CDC42SE2: variants seen among roughly 807,000 people sequenced by gnomAD.
The protein encoded by CDC42SE2 is CDC42 small effector 2, also known as CDC42 small effector protein 2.
A neutral mutation model predicts 11.5 loss-of-function variants in CDC42SE2; 3 were observed. The ratio of observed to expected loss-of-function variants is 0.26; its 90% confidence interval spans 0.12 to 0.67. CDC42SE2 has a LOEUF of 0.67. Among genes scored for constraint, CDC42SE2 ranks in the 30% least tolerant of loss-of-function variants. CDC42SE2 has a pLI of 0.80. For missense variants in CDC42SE2, 82 were observed against 106.8 expected, an observed-to-expected ratio of 0.77 and a Z score of 1.02; for synonymous variants, 33 against 34.8, an observed-to-expected ratio of 0.95 and a Z score of 0.18.
At chr5:131,214,087 A>C in the CDC42SE2 span, among the ~76,000 whole-genome samples, 1 of 152,236 alleles carries the variant, frequency 6.6e-6, no homozygotes, top group African/African-American at 2.4e-5. Flanking sequence ...ACAGTGTTTT[A>C]AAAATATAAA....
rs554896729 is a variant in CDC42SE2 at position 131,393,094 on chromosome 5, ATGTT to A, written c.*2009_*2012del. 6.6e-6 allele frequency: 1 copy of A among 152,372 alleles called. No homozygotes were observed. Among genetic ancestry groups the A allele is most frequent in the African/African-American group, 2.4e-5 (1 of 41,452 alleles). 9.4% of individuals were successfully genotyped at this position (152,372 alleles called of 1,614,324 possible). On this transcript the variant is annotated 3_prime_UTR_variant, in exon 5 of 5. Coordinates refer to ENST00000505065, the MANE Select transcript of CDC42SE2 (RefSeq NM_001375635.1). ...GTCAGTGGTTTGTGTTCTCATTAAA[ATGTT>A]TGTTTAAATCCTATGTCCAATTCAA...
chr5:131,211,933 A>C, the CDC42SE2 span, among the ~76,000 whole-genome samples: 1 of 82,086 alleles, frequency 1.2e-5, no homozygotes, highest in Non-Finnish European at 2.1e-5. Flanking sequence ...GCAGTGAGCC[A>C]TGATGGCACC....
intron 2 of CDC42SE2, among the ~76,000 whole-genome samples, chr5:131,342,941 G>T (rs1321284365): frequency 6.6e-6 from 1 of 152,118 alleles, no homozygotes; most frequent in Admixed American, 6.5e-5. Context: ...TTAAACTCCT[G>T]ACCTCAGGTG....
At position 131,359,729 on chromosome 5, in the gene CDC42SE2, T is replaced by C. The variant is rs565185214; in HGVS notation, c.54+182T>C. The stretch of plus-strand genomic sequence containing the variant: ...GAAATAATGTTTTTAAAGTAAATAC[T>C]GTATGTCAAGAACTCTCCTAGACCA... On this transcript the variant is annotated intron_variant, in intron 3 of 4. Coordinates refer to ENST00000505065, the MANE Select transcript of CDC42SE2 (RefSeq NM_001375635.1). 1.2e-4 allele frequency among the ~76,000 whole-genome samples: 18 copies of C among 152,276 alleles called. No individual in the cohort carries two copies. In the South Asian group the frequency reaches 1.7e-3, roughly 14 times the overall value.
At chr5:131,216,538 C>G in the CDC42SE2 span, among the ~76,000 whole-genome samples, 86 of 140,272 alleles carry the variant, frequency 6.1e-4, no homozygotes, top group Middle Eastern at 3.7e-3. Flanking sequence ...TAGACTATAA[C>G]TAAAAGTGTA....
chr5:131,250,752 T>C (rs1756632679), intron 1 of CDC42SE2, among the ~76,000 whole-genome samples: 1 of 152,142 alleles, frequency 6.6e-6, no homozygotes, highest in Non-Finnish European at 1.5e-5. Flanking sequence ...AACAAAACTA[T>C]AGCTTGGGCC....
intron 2 of CDC42SE2, among the ~76,000 whole-genome samples, chr5:131,344,900 C>T (rs1353511888): frequency 6.6e-6 from 1 of 152,178 alleles, no homozygotes; most frequent in Non-Finnish European, 1.5e-5. Flanking sequence ...CTGGAGTGGA[C>T]CTCCAGCAAA....
In CDC42SE2 at chr5:131,394,051, G is replaced by C. The variant is rs1750772265; in HGVS notation, c.*2960G>C. On this transcript the variant is annotated 3_prime_UTR_variant, in exon 5 of 5. Coordinates refer to ENST00000505065, the MANE Select transcript of CDC42SE2 (RefSeq NM_001375635.1). The stretch of plus-strand genomic sequence containing the variant: ...AAAAAAAGATACGGTATTAACCTTG[G>C]ACATAATTTTTTTTAGGGAGGCAGC... 1 of 152,236 alleles carries C rather than the reference G, an allele frequency of 6.6e-6. No homozygotes were observed. 9.4% of individuals were successfully genotyped at this position (152,236 alleles called of 1,614,324 possible).
At chr5:131,273,639 G>A (rs535789496) in intron 1 of CDC42SE2, among the ~76,000 whole-genome samples, 79 of 151,504 alleles carry the variant, frequency 5.2e-4, no homozygotes, top group African/African-American at 1.8e-3. Flanking sequence ...CAGGCGTGGC[G>A]GCTGGTGCTT....
chr5:131,366,048 A>G (rs1173465170), intron 3 of CDC42SE2, among the ~76,000 whole-genome samples: 4 of 152,226 alleles, frequency 2.6e-5, no homozygotes, highest in South Asian at 2.1e-4. Context: ...GAAAAACATC[A>G]TAGAAGACTG....
intron 2 of CDC42SE2, among the ~76,000 whole-genome samples, chr5:131,347,317 C>A (rs1053942220): frequency 2.1e-4 from 32 of 152,110 alleles, no homozygotes; most frequent in South Asian, 4.2e-4. Context: ...TAAAGGGGAT[C>A]TCACCACCCA....
At chr5:131,303,788 T>C (rs544394896) in intron 1 of CDC42SE2, among the ~76,000 whole-genome samples, 1 of 152,280 alleles carries the variant, frequency 6.6e-6, no homozygotes, top group East Asian at 1.9e-4. Context: ...AAAACTAGCA[T>C]AATTTTTCTT....
chr5:131,234,530 G>A, the CDC42SE2 span, among the ~76,000 whole-genome samples: 1 of 151,876 alleles, frequency 6.6e-6, no homozygotes, highest in East Asian at 1.9e-4. Context: ...CAGCTACTCG[G>A]GAGGCTGAGG....
intron 2 of CDC42SE2, among the ~76,000 whole-genome samples, chr5:131,347,555 A>C (rs1257370953): frequency 6.6e-6 from 1 of 152,204 alleles, no homozygotes; most frequent in Non-Finnish European, 1.5e-5. Context: ...TTCACAGCCG[A>C]ATTCTACCAG....
rs112695883 is a variant in CDC42SE2 at position 131,257,620 on chromosome 5, G to A, written n.242+2391G>A. Among the ~76,000 whole-genome samples, 858 of 151,910 alleles carry A rather than the reference G, an allele frequency of 5.6e-3. 13 individuals are homozygous for A. The highest frequency in any genetic ancestry group is 0.019 in the African/African-American group (773 of 41,420). On this transcript the variant is annotated intron_variant and non_coding_transcript_variant, in intron 2 of 3. Coordinates refer to the CDC42SE2 transcript ENST00000502840. ...AGCTTCCCAAGTAGCCAGGACTACA[G>A]GTGCGCACCACCATGCCTGGCTAAT...
chr5:131,251,561 A>C (rs1756638504), intron 1 of CDC42SE2, among the ~76,000 whole-genome samples: 1 of 152,224 alleles, frequency 6.6e-6, no homozygotes. Context: ...TTGTGAGAGA[A>C]AGCAAAACTA....
At chr5:131,336,866 A>G (rs1758577049) in intron 2 of CDC42SE2, among the ~76,000 whole-genome samples, 2 of 152,086 alleles carry the variant, frequency 1.3e-5, no homozygotes, top group African/African-American at 4.8e-5. Flanking sequence ...GTAGTTATCC[A>G]TTCATCTAAT....
intron 1 of CDC42SE2, among the ~76,000 whole-genome samples, chr5:131,303,334 T>C (rs1757720261): frequency 6.6e-6 from 1 of 152,214 alleles, no homozygotes; most frequent in Admixed American, 6.5e-5. Flanking sequence ...TGCATAAAAA[T>C]GGGACATATA....
chr5:131,312,406 C>G (rs1197830389), intron 1 of CDC42SE2, among the ~76,000 whole-genome samples: 1 of 152,180 alleles, frequency 6.6e-6, no homozygotes, highest in Non-Finnish European at 1.5e-5. Flanking sequence ...TGTCTGTGCC[C>G]TGCCCCAAGA....
Sources: gnomAD v4.1 joint callset for allele counts (sites outside exome capture counted in the v4.1 genomes callset) on GRCh38, gnomAD v4.1.1 for gene constraint, MANE v1.5 for transcripts, NCBI Gene and HGNC (gene_info 2026-07-23, HGNC 2026-07-21) for gene names.